MTIF2: variants seen among roughly 807,000 people sequenced by gnomAD.
MTIF2 encodes translation initiation factor IF-2, mitochondrial.
A neutral mutation model predicts 83.5 loss-of-function variants in MTIF2; 71 were observed. That is an observed-to-expected ratio of 0.85 (90% CI 0.70 to 1.04). The LOEUF is 1.04. MTIF2 is among the 50% of genes least tolerant of loss of function. The pLI is 0.00. For synonymous variants in MTIF2, 319 were observed against 287.1 expected, an observed-to-expected ratio of 1.11 and a Z score of -1.12; for missense variants, 957 against 846.5, an observed-to-expected ratio of 1.13 and a Z score of -1.62.
chr2:55,236,968 G>A, intron 15 of MTIF2, 148 bp from the exon 16 acceptor site: 1 of 686,970 alleles, frequency 1.5e-6, no homozygotes, highest in East Asian at 3.1e-5. Flanking sequence ...CTAAATACCA[G>A]GGGAACCCCC....
At chr2:55,262,258 T>C (rs888141234) in intron 5 of MTIF2, 58 bp downstream of exon 5, 4 of 1,201,664 alleles carry the variant, frequency 3.3e-6, no homozygotes, top group African/African-American at 1.5e-5. Flanking sequence ...TCGTTGCAAA[T>C]AAAATGCCCG....
intron 9 of MTIF2, among the ~76,000 whole-genome samples, chr2:55,248,662 T>C (rs1157765243): frequency 6.6e-6 from 1 of 152,214 alleles, no homozygotes; most frequent in Non-Finnish European, 1.5e-5. Flanking sequence ...TTAAAACATG[T>C]AGCAATTTAA....
At chr2:55,268,973 G>C (rs544140097) in intron 1 of MTIF2, 196 bp downstream of exon 1, 7 of 152,264 alleles carry the variant, frequency 4.6e-5, no homozygotes, top group African/African-American at 1.7e-4. Flanking sequence ...AGCCGCTTCC[G>C]AGAGAACAGT....
At chr2:55,244,996 G>A (rs542831178) in intron 10 of MTIF2, among the ~76,000 whole-genome samples, 1 of 151,326 alleles carries the variant, frequency 6.6e-6, no homozygotes, top group Non-Finnish European at 1.5e-5. Flanking sequence ...GCAGTGAGCC[G>A]AGATCACACC....
At chr2:55,239,873 C>T in intron 14 of MTIF2, 138 bp downstream of exon 14, 1 of 683,710 alleles carries the variant, frequency 1.5e-6, no homozygotes, top group Non-Finnish European at 2.3e-6. Context: ...ACAATGGATT[C>T]TCATGGTAGT....
Position 55,246,319 on chromosome 2 carries a change from G to C in MTIF2, c.1106+18C>G. ...ACCACAGAACAAATTAAAAAGGCAA[G>C]CATTTTAAGAGTCCTACCCTCTTCC... On this transcript the variant is annotated intron_variant, in intron 10 of 15. Transcript: ENST00000263629. 6.3e-7 allele frequency: 1 copy of C among 1,581,796 alleles called. No individual in the cohort carries two copies. The highest frequency in any genetic ancestry group is 8.6e-7 in the Non-Finnish European group (1 of 1,162,844).
intron 3 of MTIF2, among the ~76,000 whole-genome samples, chr2:55,266,140 A>C (rs1011792277): frequency 7.2e-5 from 11 of 152,202 alleles, no homozygotes; most frequent in Admixed American, 5.9e-4. Context: ...GCATTACAAA[A>C]AAAAAAGAAT....
At chr2:55,259,901 G>A (rs1464639793) in intron 5 of MTIF2, among the ~76,000 whole-genome samples, 3 of 152,062 alleles carry the variant, frequency 2.0e-5, no homozygotes, top group Non-Finnish European at 4.4e-5. Context: ...CCAGGATCCT[G>A]CCACTGCACT....
intron 7 of MTIF2, among the ~76,000 whole-genome samples, chr2:55,252,909 T>G (rs1677205657): frequency 6.6e-6 from 1 of 152,188 alleles, no homozygotes; most frequent in Non-Finnish European, 1.5e-5. Context: ...ACTACTTTCA[T>G]AAATGTATCA....
rs146380333 is a variant in MTIF2 at position 55,249,404 on chromosome 2, G to A, written c.972C>T (p.Ser324=). The stretch of plus-strand genomic sequence containing the variant: ...AGGTCCCCGCATTTACCGTAAGTGC[G>A]GAGACAGGCACTGCTTGAACATCAC... ...YGGDVQAVPV[S]ALTGDNLMAL... Residue 324 remains serine (S), a synonymous_variant, in exon 9 of 16, where the codon TCC becomes TCT. Transcript: ENST00000263629. 2.1e-5 allele frequency: 34 copies of A among 1,613,868 alleles called. No individual in the cohort carries two copies. The highest frequency in any genetic ancestry group is 1.6e-4 in the Middle Eastern group (1 of 6,082).
rs147847552 is a variant in MTIF2 at position 55,252,494 on chromosome 2, T to G, written c.824A>C (p.His275Pro). The G allele has an allele frequency of 1.2e-6, 2 of 1,614,058 alleles. No homozygotes were observed. The highest frequency in any genetic ancestry group is 2.7e-5 in the African/African-American group (2 of 74,956). Residue 275 changes from histidine (H) to proline (P), a missense_variant, in exon 8 of 16, where the codon CAT becomes CCT. This residue lies in a region of MTIF2 where 733 missense variants were observed against 648.7 expected (regional missense o/e 1.13). Coordinates refer to ENST00000263629, the MANE Select transcript of MTIF2 (RefSeq NM_002453.3). The stretch of plus-strand genomic sequence containing the variant: ...CACAGTACCCTGTGCATCTTTGGCA[T>G]GCTGAATAGATTCTACAGTTTGTTT... ...VMKQTVESIQ[H>P]AKDAQVPIIL...
rs946799161 is a variant in MTIF2, at chr2:55,267,564, C to G, written c.-8+5G>C. On this transcript the variant is annotated splice_donor_5th_base_variant and intron_variant, in intron 3 of 15. Transcript: ENST00000263629. ...GCAACAAAGGAACCTTAGGTGGACA[C>G]TCACTCTGACAGTCAGTGTTATCTG... 1.8e-5 allele frequency: 3 copies of G among 166,600 alleles called. No homozygotes were observed. Among genetic ancestry groups the G allele is most frequent in the South Asian group, 4.1e-4 (2 of 4,832 alleles). 10.3% of individuals were successfully genotyped at this position (166,600 alleles called of 1,614,324 possible). A position where few individuals can be genotyped will look rare whatever the true frequency, so the allele number is the denominator to read the frequency against.
In MTIF2 at chr2:55,243,583, T is replaced by C. The variant is rs1244529776; in HGVS notation, c.1397A>G (p.Lys466Arg). The C allele has an allele frequency of 7.4e-6, 12 of 1,614,140 alleles. No individual in the cohort carries two copies. Among genetic ancestry groups the C allele is most frequent in the Non-Finnish European group, 9.3e-6 (11 of 1,180,020 alleles). Residue 466 changes from lysine to arginine, a missense_variant, in exon 12 of 16, where the codon AAG becomes AGG. By Grantham distance (26) the Lys-to-Arg change is conservative. Coordinates refer to ENST00000263629, the MANE Select transcript of MTIF2 (RefSeq NM_002453.3). Reference sequence around the variant, plus strand: ...ATGTGCTTCTTTGTGTTCCTTTCGCTTTTCTTCTATTATTTTCAGATCCTC... The same window carrying C: ...ATGTGCTTCTTTGTGTTCCTTTCGCCTTTCTTCTATTATTTTCAGATCCTC... ...GQEDLKIIEE[K>R]RKEHKEAHQK...
intron 8 of MTIF2, among the ~76,000 whole-genome samples, chr2:55,251,112 A>C: frequency 1.7e-4 from 1 of 5,966 alleles, no homozygotes; most frequent in African/African-American, 3.4e-4. Flanking sequence ...CTCCGTCTCA[A>C]AAAAAAAAAA....
chr2:55,251,333 T>G (rs909229837), intron 8 of MTIF2, among the ~76,000 whole-genome samples: 1 of 152,032 alleles, frequency 6.6e-6, no homozygotes, highest in South Asian at 2.1e-4. Flanking sequence ...AAAGGCAGTT[T>G]TGAGGAATTA....
chr2:55,254,013 C>T, intron 7 of MTIF2, 28 bp downstream of exon 7: 1 of 1,609,326 alleles, frequency 6.2e-7, no homozygotes, highest in South Asian at 1.1e-5. Context: ...GGTTCCCAAG[C>T]ACATTGTAAG....
intron 3 of MTIF2, among the ~76,000 whole-genome samples, chr2:55,264,116 C>A (rs1553376373): frequency 6.6e-6 from 1 of 152,188 alleles, no homozygotes; most frequent in Non-Finnish European, 1.5e-5. Flanking sequence ...AATACAATAA[C>A]AACTTGTAAA....
chr2:55,246,387 A>G lies in MTIF2; in HGVS notation c.1056T>C (p.Asn352=). The G allele has an allele frequency of 6.2e-7, 1 of 1,613,924 alleles. No individual in the cohort carries two copies. The highest frequency in any genetic ancestry group is 8.5e-7 in the Non-Finnish European group (1 of 1,179,862). The change falls in exon 10 of 16, where the codon AAT becomes AAC. Residue 352 remains asparagine, a synonymous_variant. Transcript: ENST00000263629. Reference sequence around the variant, plus strand: ...CTATTACTGTTCCTTCCACTGGACCATTGGGATCTGCTTTCAATTCTAACA... The same window carrying G: ...CTATTACTGTTCCTTCCACTGGACCGTTGGGATCTGCTTTCAATTCTAACA... ...AEMLELKADP[N]GPVEGTVIES...
Position 55,237,369 on chromosome 2 carries a change from C to T in MTIF2, c.1930G>A (p.Ala644Thr). The change falls in exon 15 of 16, where the codon GCT (alanine) becomes ACT (threonine). Residue 644 changes from alanine (A) to threonine (T), a missense_variant. This residue lies in a region of MTIF2 where 221 missense variants were observed against 180.6 expected (regional missense o/e 1.22). Transcript: ENST00000263629. The part of the protein sequence containing the change: ...VTEGKKKVPV[A>T]GCRVQKGQLE... ...TGTCCCTTTTGGACTCTGCAGCCAGCCACAGGAACTTTTTTCTTCCCTTCT... is the reference window on the plus strand; with the variant it reads ...TGTCCCTTTTGGACTCTGCAGCCAGTCACAGGAACTTTTTTCTTCCCTTCT... 1 of 1,612,856 alleles carries T rather than the reference C, an allele frequency of 6.2e-7. No individual in the cohort carries two copies. Among genetic ancestry groups the T allele is most frequent in the Non-Finnish European group, 8.5e-7 (1 of 1,179,900 alleles).
Sources: allele counts gnomAD v4.1 joint callset (sites outside exome capture counted in the v4.1 genomes callset), GRCh38; gene constraint gnomAD v4.1.1; regional missense constraint gnomAD v4.1.1; transcripts MANE v1.5; gene names NCBI Gene and HGNC (gene_info 2026-07-23, HGNC 2026-07-21).